SPAG16: variants seen among roughly 807,000 people sequenced by gnomAD.
SPAG16 encodes the protein sperm-associated antigen 16 protein.
A neutral mutation model predicts 80.4 loss-of-function variants in SPAG16; 86 were observed. The observed-to-expected ratio is 1.07, with a 90% CI of 0.90 to 1.28. The LOEUF is 1.28. Among genes scored for constraint, SPAG16 ranks in the 50% most tolerant of loss-of-function variants. The probability of loss-of-function intolerance (pLI) is 0.00; values close to 1 mark genes in which losing one functional copy is unlikely to be tolerated. For missense variants in SPAG16, 870 were observed against 765.3 expected (o/e 1.14, Z -1.61); for synonymous variants, 294 against 265.9 (o/e 1.11, Z -1.03).
At chr2:214,320,801 A>G (rs982576911) in intron 15 of SPAG16, among the ~76,000 whole-genome samples, 1 of 152,246 alleles carries the variant, frequency 6.6e-6, no homozygotes, top group Non-Finnish European at 1.5e-5. Flanking sequence ...TATGTGGATG[A>G]CAATTCAAGA....
chr2:214,279,156 G>A (rs1326338431), intron 15 of SPAG16, among the ~76,000 whole-genome samples: 1 of 150,360 alleles, frequency 6.7e-6, no homozygotes, highest in Non-Finnish European at 1.5e-5. Context: ...GAGTGCAGTG[G>A]CACGATCTCA....
rs570607797 is a variant in SPAG16 at position 213,425,784 on chromosome 2, C to G, written c.942+50665C>G. On this transcript the variant is annotated intron_variant, in intron 9 of 15. Transcript: ENST00000331683. ...GATTTCTCAGTATACTAAATCATGC[C>G]TTTTAACAATTAAAAATTTTATTTC... 1.6e-4 allele frequency among the ~76,000 whole-genome samples: 24 copies of G among 152,044 alleles called. No individual in the cohort carries two copies. In the South Asian group the frequency reaches 3.7e-3, roughly 24 times the overall value.
intron 15 of SPAG16, among the ~76,000 whole-genome samples, chr2:214,196,625 A>T (rs2125709900): frequency 6.6e-6 from 1 of 152,212 alleles, no homozygotes; most frequent in African/African-American, 2.4e-5. Context: ...TAATTGGAAA[A>T]GAAAGAGTGA....
At chr2:213,310,237 T>A in intron 4 of SPAG16, 60 bp downstream of exon 4, 2 of 1,190,896 alleles carry the variant, frequency 1.7e-6, no homozygotes, top group Non-Finnish European at 2.4e-6. Flanking sequence ...ATATACACTT[T>A]TAAGTGTCTT....
intron 15 of SPAG16, among the ~76,000 whole-genome samples, chr2:214,366,663 A>G (rs945823735): frequency 6.6e-6 from 1 of 152,278 alleles, no homozygotes; most frequent in Admixed American, 6.5e-5. Context: ...AGTTACCATA[A>G]AATCAACCAA....
At chr2:213,415,160 G>T (rs1015779296) in intron 9 of SPAG16, among the ~76,000 whole-genome samples, 1 of 152,202 alleles carries the variant, frequency 6.6e-6, no homozygotes, top group African/African-American at 2.4e-5. Flanking sequence ...AAGCTTGATG[G>T]GTAGGCAGGA....
intron 12 of SPAG16, among the ~76,000 whole-genome samples, chr2:213,944,980 A>T (rs1244963937): frequency 1.3e-5 from 2 of 152,018 alleles, no homozygotes; most frequent in Non-Finnish European, 2.9e-5. Flanking sequence ...GGATGTTGCA[A>T]TGAGCCAAGA....
At chr2:213,755,229 C>T (rs965134307) in intron 10 of SPAG16, among the ~76,000 whole-genome samples, 5 of 152,120 alleles carry the variant, frequency 3.3e-5, no homozygotes, top group African/African-American at 9.7e-5. Context: ...GGTTATCAAT[C>T]CATGCATCAC....
chr2:213,588,718 C>T (rs555503852), intron 10 of SPAG16, among the ~76,000 whole-genome samples: 2 of 140,610 alleles, frequency 1.4e-5, no homozygotes, highest in East Asian at 2.2e-4. Context: ...AGGAGAATGG[C>T]GTGAACCCGG....
chr2:214,063,090 T>A (rs1334469450), intron 13 of SPAG16, among the ~76,000 whole-genome samples: 1 of 152,194 alleles, frequency 6.6e-6, no homozygotes, highest in Non-Finnish European at 1.5e-5. Flanking sequence ...ATTTTTGGTA[T>A]TTTTTTCATG....
intron 15 of SPAG16, among the ~76,000 whole-genome samples, chr2:214,382,673 G>C (rs77966888): frequency 1.3e-5 from 2 of 152,336 alleles, no homozygotes; most frequent in African/African-American, 4.8e-5. Context: ...CTCACTGAAA[G>C]TTTCCATATT....
At chr2:214,351,055 G>T (rs975644535) in intron 15 of SPAG16, among the ~76,000 whole-genome samples, 1 of 152,140 alleles carries the variant, frequency 6.6e-6, no homozygotes, top group Non-Finnish European at 1.5e-5. Context: ...AATTGGATCA[G>T]AGTGGAGATT....
At chr2:213,842,940 C>T (rs972785956) in intron 10 of SPAG16, among the ~76,000 whole-genome samples, 1 of 151,982 alleles carries the variant, frequency 6.6e-6, no homozygotes, top group Non-Finnish European at 1.5e-5. Context: ...AATATTTTCA[C>T]TTTTTGTTTT....
intron 15 of SPAG16, among the ~76,000 whole-genome samples, chr2:214,363,347 G>A (rs2126073869): frequency 6.6e-6 from 1 of 151,978 alleles, no homozygotes; most frequent in East Asian, 1.9e-4. Flanking sequence ...CTTCACTATT[G>A]AAACCTGTTG....
At chr2:213,804,580 G>A (rs2125648090) in intron 10 of SPAG16, among the ~76,000 whole-genome samples, 1 of 152,296 alleles carries the variant, frequency 6.6e-6, no homozygotes, top group Non-Finnish European at 1.5e-5. Context: ...CTACCCGGGA[G>A]GCTGAGGCAG....
intron 12 of SPAG16, among the ~76,000 whole-genome samples, chr2:213,935,656 C>T (rs2106267797): frequency 6.6e-6 from 1 of 152,256 alleles, no homozygotes; most frequent in Admixed American, 6.5e-5. Context: ...GAGGATTTCA[C>T]TGAAATAATG....
intron 4 of SPAG16, among the ~76,000 whole-genome samples, chr2:213,312,372 A>G (rs570612971): frequency 6.6e-6 from 1 of 151,792 alleles, no homozygotes; most frequent in South Asian, 2.1e-4. Flanking sequence ...AGAAATTAAA[A>G]TGGAGAAAAT....
At chr2:213,718,275 A>G (rs1019178056) in intron 10 of SPAG16, among the ~76,000 whole-genome samples, 4 of 152,208 alleles carry the variant, frequency 2.6e-5, no homozygotes, top group African/African-American at 9.6e-5. Flanking sequence ...ACTGGTCACT[A>G]GAGAAATGCA....
intron 9 of SPAG16, among the ~76,000 whole-genome samples, chr2:213,471,425 G>T (rs1199066361): frequency 6.6e-6 from 1 of 152,134 alleles, no homozygotes; most frequent in Admixed American, 6.5e-5. Flanking sequence ...TTCATGATAG[G>T]CAGTTCAGGT....
Sources: gnomAD v4.1 joint callset for allele counts (sites outside exome capture counted in the v4.1 genomes callset) on GRCh38, gnomAD v4.1.1 for gene constraint, MANE v1.5 for transcripts, NCBI Gene and HGNC (gene_info 2026-07-23, HGNC 2026-07-21) for gene names.